The following DAGLA variants were observed in gnomAD, a reference collection of about 807,000 sequenced individuals.
The protein encoded by DAGLA is diacylglycerol lipase-alpha.
DAGLA carries 22 observed loss-of-function variants against 102.6 expected under a neutral mutation model. The observed-to-expected ratio is 0.21, with a 90% CI of 0.15 to 0.31. The LOEUF is 0.31. Among genes scored for constraint, DAGLA ranks in the 10% least tolerant of loss-of-function variants. The pLI is 1.00. For missense variants in DAGLA, 927 were observed against 1,446.6 expected (o/e 0.64, Z 5.83); for synonymous variants, 578 against 628.9 (o/e 0.92, Z 1.21).
intron 1 of DAGLA, among the ~76,000 whole-genome samples, chr11:61,707,252 C>T (rs2065157466): frequency 6.6e-6 from 1 of 152,382 alleles, no homozygotes; most frequent in South Asian, 2.1e-4. Context: ...GCAGAAGTGA[C>T]AGCGTGACAA....
rs1591058347 is a variant in DAGLA at position 61,744,544 on chromosome 11, A to G, written c.*55A>G. On this transcript the variant is annotated 3_prime_UTR_variant, in exon 20 of 20. Coordinates refer to ENST00000257215, the MANE Select transcript of DAGLA (RefSeq NM_006133.3). ...GGCAGGAGCAGGTGGCCCTGTGGGC[A>G]CCTGGTGCCTGCCCCCTGCCGGGCA... The G allele has an allele frequency of 5.5e-6, 8 of 1,441,812 alleles. No homozygotes were observed. In the East Asian group the frequency reaches 1.8e-4, roughly 33 times the overall value. 89.3% of individuals were successfully genotyped at this position (1,441,812 alleles called of 1,614,324 possible).
intron 5 of DAGLA, 67 bp from the exon 6 acceptor site, chr11:61,725,928 C>A: frequency 1.4e-6 from 2 of 1,442,722 alleles, no homozygotes; most frequent in Non-Finnish European, 1.9e-6. Context: ...GTTTCCATAA[C>A]GTCTGGGTCC....
intron 1 of DAGLA, among the ~76,000 whole-genome samples, chr11:61,708,240 T>C (rs2135567790): frequency 6.6e-6 from 1 of 152,324 alleles, no homozygotes; most frequent in South Asian, 2.1e-4. Flanking sequence ...TCTCCTGGCC[T>C]CAAGTCATCC....
intron 9 of DAGLA, among the ~76,000 whole-genome samples, chr11:61,732,099 C>A (rs1369343279): frequency 6.6e-6 from 1 of 152,198 alleles, no homozygotes; most frequent in East Asian, 1.9e-4. Flanking sequence ...CAGAGAAGGG[C>A]GCCTGCTCCA....
intron 9 of DAGLA, 76 bp downstream of exon 9, chr11:61,731,517 G>T: frequency 1.3e-6 from 2 of 1,580,210 alleles, no homozygotes; most frequent in South Asian, 1.1e-5. Flanking sequence ...CTACCGGGCT[G>T]CGCCTACTGC....
At position 61,736,255 on chromosome 11, in the gene DAGLA, T is replaced by G; in HGVS notation, c.1291-15T>G. On this transcript the variant is annotated splice_polypyrimidine_tract_variant and intron_variant, in intron 12 of 19. Transcript: ENST00000257215. ...GGCCTCCCACCAACACCTGCTTCTG[T>G]TCCTGCCCACCCAGGGTATGGTCCT... The G allele has an allele frequency of 6.2e-7, 1 of 1,612,998 alleles. No individual in the cohort carries two copies. Among genetic ancestry groups the G allele is most frequent in the South Asian group, 1.1e-5 (1 of 91,054 alleles).
At chr11:61,717,801 A>G (rs528559349) in intron 1 of DAGLA, among the ~76,000 whole-genome samples, 5 of 152,238 alleles carry the variant, frequency 3.3e-5, no homozygotes, top group South Asian at 2.1e-4. Flanking sequence ...GACCATGGCA[A>G]TTGGCCTCAG....
At position 61,686,670 on chromosome 11, in the gene DAGLA, C is replaced by G. The variant is rs150104435; in HGVS notation, c.-45+6166C>G. Among the ~76,000 whole-genome samples, 4 of 152,128 alleles carry G rather than the reference C, an allele frequency of 2.6e-5. No homozygotes were observed. Among genetic ancestry groups the G allele is most frequent in the Admixed American group, 6.5e-5 (1 of 15,282 alleles). On this transcript the variant is annotated intron_variant, in intron 1 of 19. Coordinates refer to ENST00000257215, the MANE Select transcript of DAGLA (RefSeq NM_006133.3). This position sits in a 1 kb window ranked among gnomAD's most constrained non-coding sequence, Gnocchi z 5.2. ...GAGCCTGCGGCTCTGGGGTGGAGGTCGGGACGGTGGCCCTCCGCTGTGTAA... is the reference window on the plus strand; with the variant it reads ...GAGCCTGCGGCTCTGGGGTGGAGGTGGGGACGGTGGCCCTCCGCTGTGTAA...
At chr11:61,731,648 ATGT>A (rs2065376156) in intron 9 of DAGLA, among the ~76,000 whole-genome samples, 1 of 152,180 alleles carries the variant, frequency 6.6e-6, no homozygotes, top group Admixed American at 6.5e-5. Context: ...TCGAATCCAG[ATGT>A]TGTCACTTGC....
Position 61,744,075 on chromosome 11 carries a change from G to T in DAGLA, c.2715G>T (p.Ser905=). The T allele has an allele frequency of 1.9e-6, 3 of 1,612,854 alleles. No homozygotes were observed. Among genetic ancestry groups the T allele is most frequent in the Non-Finnish European group, 8.5e-7 (1 of 1,179,958 alleles). The change falls in exon 20 of 20, where the codon TCG becomes TCT. Residue 905 remains serine (S), a synonymous_variant. Coordinates refer to ENST00000257215, the MANE Select transcript of DAGLA (RefSeq NM_006133.3). Reference sequence around the variant, plus strand: ...TGCACAATGGGCGCCTGGGGGACTCGCCCAGTCCTCAGGTGCTGGAATTCG... The same window carrying T: ...TGCACAATGGGCGCCTGGGGGACTCTCCCAGTCCTCAGGTGCTGGAATTCG... ...LALHNGRLGD[S]PSPQVLEFAE...
intron 1 of DAGLA, among the ~76,000 whole-genome samples, chr11:61,694,548 G>A (rs754759488): frequency 3.9e-5 from 6 of 152,200 alleles, no homozygotes; most frequent in East Asian, 1.9e-4. Context: ...CCTCTGCGCC[G>A]GCTGCCTGTC....
chr11:61,714,965 G>A (rs2065224897), intron 1 of DAGLA, among the ~76,000 whole-genome samples: 1 of 152,164 alleles, frequency 6.6e-6, no homozygotes, highest in African/African-American at 2.4e-5. Context: ...GATGACAGGC[G>A]CTGTTTGAAG....
chr11:61,729,829 T>C (rs1415729076), intron 8 of DAGLA, among the ~76,000 whole-genome samples: 3 of 152,010 alleles, frequency 2.0e-5, no homozygotes, highest in Admixed American at 6.5e-5. Flanking sequence ...TCCCAGCACT[T>C]TGGGAGGCCG....
intron 5 of DAGLA, 99 bp from the exon 6 acceptor site, chr11:61,725,896 G>A: frequency 1.8e-6 from 2 of 1,122,528 alleles, no homozygotes; most frequent in Admixed American, 1.7e-5. Context: ...CCTTTGGTAG[G>A]GTCCTGGGAA....
At chr11:61,741,831 T>G (rs1368844476) in intron 19 of DAGLA, among the ~76,000 whole-genome samples, 2 of 151,918 alleles carry the variant, frequency 1.3e-5, no homozygotes, top group African/African-American at 4.8e-5. Context: ...AGGCTGGTCT[T>G]GAACTCCTGA....
chr11:61,743,820 C>T lies in DAGLA; in HGVS notation c.2460C>T (p.Leu820=). 6.2e-7 allele frequency: 1 copy of T among 1,612,572 alleles called. No homozygotes were observed. The highest frequency in any genetic ancestry group is 1.1e-5 in the South Asian group (1 of 91,090). ...HAVLERDEGH[L]FYIDPAIPEE... is the part of the protein sequence containing the mutation. ...TGCTGGAGCGTGATGAAGGCCACCT[C>T]TTCTACATTGACCCTGCCATCCCCG... The change falls in exon 20 of 20, where the codon CTC becomes CTT. Residue 820 remains leucine, a synonymous_variant. Coordinates refer to ENST00000257215, the MANE Select transcript of DAGLA (RefSeq NM_006133.3).
intron 1 of DAGLA, among the ~76,000 whole-genome samples, chr11:61,702,766 C>T (rs532651403): frequency 1.2e-4 from 19 of 152,336 alleles, no homozygotes; most frequent in Non-Finnish European, 4.4e-5. Flanking sequence ...GCAAGTCACA[C>T]GGCCCCAGAT....
At position 61,744,269 on chromosome 11, in the gene DAGLA, C is replaced by G; in HGVS notation, c.2909C>G (p.Pro970Arg). Residue 970 changes from proline (P) to arginine (R), a missense_variant, in exon 20 of 20, where the codon CCC becomes CGC. Coordinates refer to ENST00000257215, the MANE Select transcript of DAGLA (RefSeq NM_006133.3). ...GCCCAGTTCGAGCCCAACCTGGTGC[C>G]CAAGCCCCCACGGCTCTTTGCCGGC... The part of the protein sequence containing the change: ...LRAQFEPNLV[P>R]KPPRLFAGSA... The G allele has an allele frequency of 6.2e-7, 1 of 1,613,050 alleles. No individual in the cohort carries two copies. Among genetic ancestry groups the G allele is most frequent in the Non-Finnish European group, 8.5e-7 (1 of 1,179,974 alleles).
intron 13 of DAGLA, among the ~76,000 whole-genome samples, 167 bp from the exon 14 acceptor site, chr11:61,737,015 G>C (rs143732748): frequency 6.6e-6 from 1 of 152,230 alleles, no homozygotes; most frequent in Non-Finnish European, 1.5e-5. Flanking sequence ...CTAAGCAGTC[G>C]CTCTGTGGGG....
Sources: gnomAD v4.1 joint callset for allele counts (sites outside exome capture counted in the v4.1 genomes callset) on GRCh38, gnomAD v4.1.1 for gene constraint, Gnocchi (gnomAD v3.1) non-coding constraint, MANE v1.5 for transcripts, NCBI Gene and HGNC (gene_info 2026-07-23, HGNC 2026-07-21) for gene names.